The following STK32B variants were observed in gnomAD, a reference collection of about 807,000 sequenced individuals.
STK32B encodes serine/threonine kinase 32B, also known as serine/threonine-protein kinase 32B.
Under a neutral mutation model 52.6 loss-of-function variants are expected in STK32B, and 43 were observed. That is an observed-to-expected ratio of 0.82 (90% CI 0.64 to 1.05). The LOEUF is 1.05. Ranked by LOEUF, STK32B falls within the 50% of genes least tolerant of loss-of-function variation. STK32B has a pLI of 0.00. For synonymous variants in STK32B, 238 were observed against 204.3 expected (o/e 1.17, Z -1.41); for missense variants, 621 against 534.6 (o/e 1.16, Z -1.59).
chr4:5,448,510 C>T (rs1715679838), intron 7 of STK32B, among the ~76,000 whole-genome samples: 1 of 152,190 alleles, frequency 6.6e-6, no homozygotes, highest in African/African-American at 2.4e-5. Context: ...TGGGCTCCTG[C>T]CAACAGAAAA....
At chr4:5,459,999 A>C (rs1216365051) in intron 8 of STK32B, 104 bp from the exon 9 acceptor site, 1 of 1,536,264 alleles carries the variant, frequency 6.5e-7, no homozygotes, top group East Asian at 2.3e-5. Flanking sequence ...ATAGAGCGTG[A>C]AGAGCAGAGG....
intron 5 of STK32B, among the ~76,000 whole-genome samples, chr4:5,407,356 G>C (rs1265017966): frequency 6.6e-6 from 1 of 151,982 alleles, no homozygotes; most frequent in African/African-American, 2.4e-5. Context: ...GTCTTCATCT[G>C]AGCCCTCCGC....
intron 3 of STK32B, among the ~76,000 whole-genome samples, chr4:5,192,659 T>C (rs544456855): frequency 6.6e-6 from 1 of 152,338 alleles, no homozygotes; most frequent in Admixed American, 6.5e-5. Context: ...GTGTACACAC[T>C]ATGAAATGAT....
intron 2 of STK32B, among the ~76,000 whole-genome samples, chr4:5,161,457 G>T (rs1718439898): frequency 6.6e-6 from 1 of 152,174 alleles, no homozygotes; most frequent in Non-Finnish European, 1.5e-5. Flanking sequence ...ATCACAAGGG[G>T]CTGCTGTTGT....
intron 4 of STK32B, among the ~76,000 whole-genome samples, chr4:5,352,710 A>C (rs1221592783): frequency 1.3e-5 from 2 of 148,720 alleles, no homozygotes; most frequent in African/African-American, 5.1e-5. Context: ...GAAAGACTGC[A>C]CCAAAATACT....
At chr4:5,205,706 G>C (rs1156677551) in intron 3 of STK32B, among the ~76,000 whole-genome samples, 535 of 39,030 alleles carry the variant, frequency 0.014, 6 homozygotes, top group South Asian at 0.02. Flanking sequence ...GCGCGCGCGT[G>C]TGTGTGTGTG....
the STK32B span, among the ~76,000 whole-genome samples, chr4:5,020,962 C>A: frequency 6.6e-6 from 1 of 152,130 alleles, no homozygotes; most frequent in Non-Finnish European, 1.5e-5. Context: ...AAAGCTTCCT[C>A]CAACAAAGGA....
chr4:5,261,042 G>A (rs148209524), intron 3 of STK32B, among the ~76,000 whole-genome samples: 38 of 152,246 alleles, frequency 2.5e-4, no homozygotes, highest in African/African-American at 8.9e-4. Flanking sequence ...CGTTGGTCAA[G>A]GCGGCTCTTT....
At chr4:5,070,290 C>G (rs1016198684) in intron 1 of STK32B, among the ~76,000 whole-genome samples, 1 of 151,932 alleles carries the variant, frequency 6.6e-6, no homozygotes, top group Non-Finnish European at 1.5e-5. Context: ...GCAGCGTCCT[C>G]TTGTCATGTT....
At chr4:5,417,008 A>C in intron 6 of STK32B, 74 bp downstream of exon 6, 1 of 1,369,164 alleles carries the variant, frequency 7.3e-7, no homozygotes, top group South Asian at 1.3e-5. Context: ...CTCTTGTTTC[A>C]TCTGCCACTG....
chr4:5,474,174 G>C (rs1243346395), intron 11 of STK32B, among the ~76,000 whole-genome samples: 1 of 152,158 alleles, frequency 6.6e-6, no homozygotes, highest in Non-Finnish European at 1.5e-5. Context: ...CCTCCCTGGA[G>C]AACTCTGGCC....
intron 11 of STK32B, among the ~76,000 whole-genome samples, chr4:5,478,570 A>G (rs557720551): frequency 7.2e-5 from 11 of 152,222 alleles, no homozygotes; most frequent in Non-Finnish European, 1.6e-4. Context: ...TGCCAGTTAT[A>G]TTGAGTTTTT....
At chr4:5,355,707 C>A (rs368465966) in intron 4 of STK32B, among the ~76,000 whole-genome samples, 19 of 152,130 alleles carry the variant, frequency 1.2e-4, no homozygotes, top group African/African-American at 4.6e-4. Flanking sequence ...TCAAAAATAT[C>A]TCCACACATC....
At chr4:5,263,146 G>C (rs1452397538) in intron 3 of STK32B, among the ~76,000 whole-genome samples, 1 of 152,050 alleles carries the variant, frequency 6.6e-6, no homozygotes, top group East Asian at 1.9e-4. Flanking sequence ...CTTAGGTAAT[G>C]TTTGTGGATA....
chr4:5,132,533 C>A (rs942925177), intron 1 of STK32B, among the ~76,000 whole-genome samples: 3 of 152,014 alleles, frequency 2.0e-5, no homozygotes, highest in African/African-American at 7.2e-5. Context: ...ATGTGACAAC[C>A]AAAGCAGAAG....
intron 3 of STK32B, among the ~76,000 whole-genome samples, chr4:5,282,772 G>A (rs930856710): frequency 2.6e-5 from 4 of 152,034 alleles, no homozygotes; most frequent in African/African-American, 9.7e-5. Context: ...CTGGGCAAGG[G>A]GATAATTGAT....
chr4:5,346,168 G>C (rs893918041), intron 4 of STK32B, among the ~76,000 whole-genome samples: 5 of 152,188 alleles, frequency 3.3e-5, no homozygotes, highest in African/African-American at 1.2e-4. Flanking sequence ...CTGGGGTAGT[G>C]GTTCCCGTTT....
intron 3 of STK32B, among the ~76,000 whole-genome samples, chr4:5,273,724 C>T (rs1441648761): frequency 7.8e-6 from 1 of 128,912 alleles, no homozygotes; most frequent in Non-Finnish European, 1.6e-5. Flanking sequence ...TCATCATTCT[C>T]AGTAAACTAT....
chr4:5,185,770 T>C (rs1350745110), intron 3 of STK32B, among the ~76,000 whole-genome samples: 1 of 152,236 alleles, frequency 6.6e-6, no homozygotes, highest in East Asian at 1.9e-4. Context: ...AGTCTGTGCC[T>C]ACCACGCCTC....
Sources: gnomAD v4.1 joint callset for allele counts (sites outside exome capture counted in the v4.1 genomes callset) on GRCh38, gnomAD v4.1.1 for gene constraint, MANE v1.5 for transcripts, NCBI Gene and HGNC (gene_info 2026-07-23, HGNC 2026-07-21) for gene names.